Variants in PRR5L observed in about 807,000 individuals in gnomAD.
PRR5L encodes proline-rich protein 5-like.
Under a neutral mutation model 36.4 loss-of-function variants are expected in PRR5L, and 21 were observed. The observed-to-expected ratio is 0.58, with a 90% CI of 0.41 to 0.83. The LOEUF (loss-of-function observed/expected upper bound fraction) is 0.83. PRR5L is among the 40% of genes least tolerant of loss of function. The pLI is 0.00. For synonymous variants in PRR5L, 188 were observed against 197.0 expected (o/e 0.95, Z 0.38); for missense variants, 381 against 473.3 (o/e 0.80, Z 1.81).
intron 1 of PRR5L, among the ~76,000 whole-genome samples, chr11:36,365,260 T>C (rs1422951769): frequency 6.6e-6 from 1 of 152,122 alleles, no homozygotes; most frequent in African/African-American, 2.4e-5. Context: ...GGCTTTTTTT[T>C]TTCTCTGTAA....
At chr11:36,380,894 T>G (rs1857356162) in intron 1 of PRR5L, among the ~76,000 whole-genome samples, 1 of 152,194 alleles carries the variant, frequency 6.6e-6, no homozygotes, top group Non-Finnish European at 1.5e-5. Flanking sequence ...AGCTCACAGC[T>G]AGGCTCAGCT....
At chr11:36,346,305 C>T (rs537824819) in intron 1 of PRR5L, among the ~76,000 whole-genome samples, 13 of 152,212 alleles carry the variant, frequency 8.5e-5, no homozygotes, top group Non-Finnish European at 1.6e-4. Flanking sequence ...GTGTTTAGGC[C>T]GAGCGTGGTG....
intron 7 of PRR5L, among the ~76,000 whole-genome samples, chr11:36,449,805 C>T (rs1333903139): frequency 6.6e-6 from 1 of 152,206 alleles, no homozygotes; most frequent in Non-Finnish European, 1.5e-5. Context: ...GAGGGCTGTG[C>T]ACAAGCCAAG....
intron 1 of PRR5L, among the ~76,000 whole-genome samples, chr11:36,327,810 G>C (rs1202853146): frequency 2.0e-5 from 3 of 152,170 alleles, no homozygotes; most frequent in Non-Finnish European, 4.4e-5. Context: ...GAAAATCTCT[G>C]AATCTACTTA....
chr11:36,367,348 C>T (rs542216529), intron 1 of PRR5L, among the ~76,000 whole-genome samples: 4 of 152,302 alleles, frequency 2.6e-5, no homozygotes, highest in African/African-American at 9.6e-5. Flanking sequence ...AATATGGTAT[C>T]TAATTATTTT....
intron 5 of PRR5L, among the ~76,000 whole-genome samples, chr11:36,435,007 C>T (rs1301221676): frequency 6.6e-6 from 1 of 152,146 alleles, no homozygotes; most frequent in Non-Finnish European, 1.5e-5. Context: ...AAGGTTCTCT[C>T]TTCTTCCCCT....
At chr11:36,335,314 C>T (rs1312210036) in intron 1 of PRR5L, among the ~76,000 whole-genome samples, 1 of 152,134 alleles carries the variant, frequency 6.6e-6, no homozygotes, top group South Asian at 2.1e-4. Flanking sequence ...ATCTGCCTGC[C>T]TCGACCTCCC....
chr11:36,416,209 C>G (rs1458456338), intron 3 of PRR5L, among the ~76,000 whole-genome samples: 1 of 152,160 alleles, frequency 6.6e-6, no homozygotes, highest in Non-Finnish European at 1.5e-5. Flanking sequence ...ACATGTGACC[C>G]TGTCTAACCA....
chr11:36,301,173 G>T lies in PRR5L; in HGVS notation c.-126+4735G>T, dbSNP rs142612853. The T allele has an allele frequency of 5.2e-3, 790 of 152,862 alleles. 8 individuals carry two copies. The highest frequency in any genetic ancestry group is 0.018 in the African/African-American group (747 of 41,526). The allele number at this position is 152,862 out of a possible 1,614,324, so 9.5% of individuals were successfully genotyped here. ...ATGGTTTTGAACTGCTCAAGCACAG[G>T]CCGGGGTCAAGGGAGGGCAGGGGTC... is the stretch of plus-strand genomic sequence containing the variant. On this transcript the variant is annotated intron_variant, in intron 1 of 8. Coordinates refer to ENST00000530639, the MANE Select transcript of PRR5L (RefSeq NM_001160167.2).
At chr11:36,414,752 A>G (rs1348674905) in intron 3 of PRR5L, among the ~76,000 whole-genome samples, 1 of 147,856 alleles carries the variant, frequency 6.8e-6, no homozygotes, top group Non-Finnish European at 1.5e-5. Flanking sequence ...TTTTGTTGCC[A>G]TTGCTTTTGG....
In PRR5L at chr11:36,345,523, C is replaced by A. The variant is rs955538584; in HGVS notation, c.-126+49085C>A. On this transcript the variant is annotated intron_variant, in intron 1 of 8. Coordinates refer to ENST00000530639, the MANE Select transcript of PRR5L (RefSeq NM_001160167.2). ...GAATTCATGCAGAAAAAAAAACAGA[C>A]ATAGTTTTTGGTGAGACAAGGTCTA... Among the ~76,000 whole-genome samples, 3 of 152,126 alleles carry A rather than the reference C, an allele frequency of 2.0e-5. No homozygotes were observed. In the East Asian group the frequency reaches 5.8e-4, roughly 29 times the overall value.
At chr11:36,356,505 G>A (rs1405998137) in intron 1 of PRR5L, among the ~76,000 whole-genome samples, 1 of 152,132 alleles carries the variant, frequency 6.6e-6, no homozygotes, top group Non-Finnish European at 1.5e-5. Context: ...CAGATATTGT[G>A]CTTTTTACTG....
At chr11:36,345,129 G>A (rs187419280) in intron 1 of PRR5L, among the ~76,000 whole-genome samples, 108 of 152,188 alleles carry the variant, frequency 7.1e-4, no homozygotes, top group African/African-American at 2.5e-3. Flanking sequence ...GTTGGCCCGT[G>A]GGACTGATGG....
intron 1 of PRR5L, among the ~76,000 whole-genome samples, chr11:36,393,229 T>TG (rs1444126465): frequency 6.6e-6 from 1 of 152,154 alleles, no homozygotes; most frequent in Non-Finnish European, 1.5e-5. Context: ...CCTGTGCTTG[T>TG]GGGGTATTAC....
chr11:36,365,211 A>G lies in PRR5L; in HGVS notation c.-125-35786A>G, dbSNP rs191300717. Among the ~76,000 whole-genome samples, 346 of 152,184 alleles carry G rather than the reference A, an allele frequency of 2.3e-3. 1 individual carries two copies. The highest frequency in any genetic ancestry group is 7.5e-3 in the African/African-American group (311 of 41,516). On this transcript the variant is annotated intron_variant, in intron 1 of 8. Transcript: ENST00000530639. ...AGCACTTAGCGGGAATGATCGTTCA[A>G]GTTTACTTGCTTTGTTTCTGCAGTG...
chr11:36,407,996 C>T (rs767223825), intron 3 of PRR5L, among the ~76,000 whole-genome samples: 20 of 152,140 alleles, frequency 1.3e-4, no homozygotes, highest in Non-Finnish European at 2.4e-4. Context: ...TCTGTCAGGC[C>T]AGGTGCGGTG....
At chr11:36,371,479 T>A (rs1857196629) in intron 1 of PRR5L, among the ~76,000 whole-genome samples, 1 of 152,216 alleles carries the variant, frequency 6.6e-6, no homozygotes, top group South Asian at 2.1e-4. Flanking sequence ...TCTGAGGACC[T>A]GAAAAACTGT....
intron 6 of PRR5L, among the ~76,000 whole-genome samples, chr11:36,438,100 C>A (rs1858642869): frequency 6.6e-6 from 1 of 152,148 alleles, no homozygotes; most frequent in Non-Finnish European, 1.5e-5. Flanking sequence ...CTCTAGTATT[C>A]TTATTCTGTG....
At chr11:36,428,721 G>A (rs1858433356) in intron 4 of PRR5L, among the ~76,000 whole-genome samples, 1 of 152,150 alleles carries the variant, frequency 6.6e-6, no homozygotes, top group Non-Finnish European at 1.5e-5. Flanking sequence ...TATAAGATAA[G>A]AGCAAAATCT....
Sources: allele counts gnomAD v4.1 joint callset (sites outside exome capture counted in the v4.1 genomes callset), GRCh38; gene constraint gnomAD v4.1.1; transcripts MANE v1.5; gene names NCBI Gene and HGNC (gene_info 2026-07-23, HGNC 2026-07-21).